The following FBN2 variants were observed in gnomAD, a reference collection of about 807,000 sequenced individuals.
The protein encoded by FBN2 is fibrillin 2, also known as fibrillin-2.
In FBN2, 105 loss-of-function variants were observed where a neutral mutation model predicts 355.6. The observed-to-expected ratio is 0.30, with a 90% confidence interval of 0.25 to 0.35. The LOEUF is 0.35. Among genes scored for constraint, FBN2 ranks in the 10% least tolerant of loss-of-function variants. The probability of loss-of-function intolerance (pLI) is 1.00; values close to 1 mark genes in which losing one functional copy is unlikely to be tolerated. For synonymous variants in FBN2, 1,350 were observed against 1,301.2 expected, an observed-to-expected ratio of 1.04 and a Z score of -0.81; for missense variants, 3,280 against 3,758.7, an observed-to-expected ratio of 0.87 and a Z score of 3.33.
intron 7 of FBN2, among the ~76,000 whole-genome samples, chr5:128,409,707 G>A (rs758863918): frequency 1.3e-5 from 2 of 151,988 alleles, no homozygotes; most frequent in Non-Finnish European, 2.9e-5. Flanking sequence ...GGTAGCAAAA[G>A]CCAGTAACTA....
In FBN2 at chr5:128,449,254, G is replaced by A. The variant is rs576019941; in HGVS notation, c.827-2648C>T. ...AAGAGGTAAATGGTACCATTGTAAAGTTATTACATTATAAGTGAAGTGGCA... is the reference window on the plus strand; with the variant it reads ...AAGAGGTAAATGGTACCATTGTAAAATTATTACATTATAAGTGAAGTGGCA... On this transcript the variant is annotated intron_variant, in intron 6 of 64. Coordinates refer to ENST00000262464, the MANE Select transcript of FBN2 (RefSeq NM_001999.4). Among the ~76,000 whole-genome samples, 5 of 149,342 alleles carry A rather than the reference G, an allele frequency of 3.3e-5. No individual in the cohort carries two copies. In the East Asian group the frequency reaches 9.9e-4, roughly 30 times the overall value.
At chr5:128,374,297 C>T (rs1260863912) in intron 15 of FBN2, among the ~76,000 whole-genome samples, 2 of 152,142 alleles carry the variant, frequency 1.3e-5, no homozygotes, top group East Asian at 3.9e-4. Context: ...TCATCCATCA[C>T]TACAGATGAT....
chr5:128,501,712 A>G (rs1411222168), intron 5 of FBN2, among the ~76,000 whole-genome samples: 2 of 152,136 alleles, frequency 1.3e-5, no homozygotes, highest in Non-Finnish European at 2.9e-5. Context: ...AGTGAAATAA[A>G]AGAGAAACTT....
intron 5 of FBN2, among the ~76,000 whole-genome samples, chr5:128,510,116 G>A (rs1290490278): frequency 5.3e-5 from 8 of 152,150 alleles, no homozygotes; most frequent in Non-Finnish European, 1.0e-4. Flanking sequence ...AGAACTTAGG[G>A]AGTCTGCTAG....
At chr5:128,330,783 A>G (rs1750672189) in intron 32 of FBN2, 88 bp from the exon 33 acceptor site, 1 of 1,427,910 alleles carries the variant, frequency 7.0e-7, no homozygotes. Context: ...TTACATATAA[A>G]CTGGATAAAT....
At chr5:128,336,166 C>T (rs1750835975) in intron 27 of FBN2, 53 bp from the exon 28 acceptor site, 3 of 1,589,430 alleles carry the variant, frequency 1.9e-6, no homozygotes, top group Non-Finnish European at 2.6e-6. Context: ...TCACTAAAGC[C>T]ATCAGAAAGG....
Position 128,330,713 on chromosome 5 carries a change from A to T in FBN2, c.4223-18T>A. On this transcript the variant is annotated intron_variant, in intron 32 of 64. Coordinates refer to ENST00000262464, the MANE Select transcript of FBN2 (RefSeq NM_001999.4). Reference sequence around the variant, plus strand: ...GTCCAGATCTGCAGAACACAGCAATAAAGTTCAGAAATGAAAATGGAACAT... The same window carrying T: ...GTCCAGATCTGCAGAACACAGCAATTAAGTTCAGAAATGAAAATGGAACAT... 1 of 1,613,660 alleles carries T rather than the reference A, an allele frequency of 6.2e-7. No homozygotes were observed. The highest frequency in any genetic ancestry group is 8.5e-7 in the Non-Finnish European group (1 of 1,179,594).
rs576911396 is a variant in FBN2, at chr5:128,387,568, C to A, written c.1603+4450G>T. ...AGGTGTGATGTTGTTAATTTGAGAC[C>A]TTTCTAACTTTTTGATGTGGGATTT... On this transcript the variant is annotated intron_variant, in intron 11 of 64. Transcript: ENST00000262464. Among the ~76,000 whole-genome samples the A allele has an allele frequency of 2.6e-5, 4 of 152,084 alleles. No homozygotes were observed. The South Asian group carries it at 8.3e-4, about 32-fold the overall frequency.
rs943225631 is a variant in FBN2, at chr5:128,287,383, T to C, written c.6805A>G (p.Met2269Val). The C allele has an allele frequency of 1.2e-6, 2 of 1,613,964 alleles. No individual in the cohort carries two copies. The highest frequency in any genetic ancestry group is 8.5e-7 in the Non-Finnish European group (1 of 1,179,964). ...CATTCATAGGACCCAAAAGTGTTCA[T>C]GCAGCGGAAAGCACACAGCAGTGGG... Reference protein sequence around the residue: ...QNPLLCAFRCMNTFGSYECTC... With the variant: ...QNPLLCAFRCVNTFGSYECTC... Residue 2269 changes from methionine (M) to valine (V), a missense_variant, in exon 54 of 65, where the codon ATG becomes GTG. This residue lies in a region of FBN2 where 2,284 missense variants were observed against 2,749.5 expected (regional missense o/e 0.83). Transcript: ENST00000262464.
intron 5 of FBN2, among the ~76,000 whole-genome samples, chr5:128,475,591 TG>T (rs1366609302): frequency 6.6e-6 from 1 of 152,010 alleles, no homozygotes; most frequent in Non-Finnish European, 1.5e-5. Context: ...TAAGTTTAAA[TG>T]AAAAATAACT....
chr5:128,471,964 A>G (rs941356164), intron 5 of FBN2, among the ~76,000 whole-genome samples: 1 of 152,250 alleles, frequency 6.6e-6, no homozygotes, highest in African/African-American at 2.4e-5. Flanking sequence ...TATTTCATAA[A>G]CTAGGTATGA....
At chr5:128,290,556 T>C (rs980666598) in intron 50 of FBN2, among the ~76,000 whole-genome samples, 176 bp downstream of exon 50, 1 of 152,224 alleles carries the variant, frequency 6.6e-6, no homozygotes, top group African/African-American at 2.4e-5. Context: ...AGACATGTCT[T>C]ATTCAAAAGC....
Position 128,259,787 on chromosome 5 carries a change from C to T in FBN2, c.8407G>A (p.Val2803Ile), listed in dbSNP as rs759451244. ...TGGGAGAGGTTGAACTTCATGTTGACGGGGCTGTCCATGTCGACACTCTCT... is the reference window on the plus strand; with the variant it reads ...TGGGAGAGGTTGAACTTCATGTTGATGGGGCTGTCCATGTCGACACTCTCT... ...SLESVDMDSP[V>I]NMKFNLSHLG... The change falls in exon 65 of 65, where the codon GTC becomes ATC. Residue 2803 changes from valine to isoleucine, a missense_variant. Around this residue, in one of 6 missense-constraint regions of FBN2, gnomAD observed 311 missense variants for 319.1 expected, o/e 0.97. Coordinates refer to ENST00000262464, the MANE Select transcript of FBN2 (RefSeq NM_001999.4). 4.2e-5 allele frequency: 68 copies of T among 1,613,436 alleles called. 1 individual carries two copies. In the South Asian group the frequency reaches 4.6e-4, roughly 11 times the overall value.
intron 5 of FBN2, among the ~76,000 whole-genome samples, chr5:128,488,820 G>A (rs990906946): frequency 6.6e-6 from 1 of 151,836 alleles, no homozygotes; most frequent in Non-Finnish European, 1.5e-5. Flanking sequence ...TCCCTACAAA[G>A]GACATGAACT....
intron 5 of FBN2, among the ~76,000 whole-genome samples, chr5:128,465,652 C>A (rs1414974485): frequency 6.6e-6 from 1 of 152,126 alleles, no homozygotes; most frequent in Non-Finnish European, 1.5e-5. Flanking sequence ...GTCATGAATT[C>A]CTTACACGTA....
chr5:128,366,339 C>T, intron 17 of FBN2, 38 bp downstream of exon 17: 2 of 1,114,234 alleles, frequency 1.8e-6, no homozygotes, highest in East Asian at 4.8e-5. Context: ...ACGATTATGT[C>T]ACGTGATTAT....
intron 7 of FBN2, among the ~76,000 whole-genome samples, chr5:128,444,255 G>C (rs1384069624): frequency 2.0e-5 from 3 of 151,100 alleles, no homozygotes; most frequent in African/African-American, 7.3e-5. Flanking sequence ...TGTATTTTTA[G>C]TAGAGACAGG....
chr5:128,335,405 A>T, intron 29 of FBN2, 50 bp downstream of exon 29: 5 of 1,613,070 alleles, frequency 3.1e-6, no homozygotes, highest in Non-Finnish European at 4.2e-6. Context: ...CCATATTTTC[A>T]AGAAAAAATT....
chr5:128,268,344 T>G (rs972633264), intron 62 of FBN2, among the ~76,000 whole-genome samples: 2 of 152,162 alleles, frequency 1.3e-5, no homozygotes, highest in African/African-American at 4.8e-5. Context: ...AATCCCTGAA[T>G]AGACCAATAA....
Sources: gnomAD v4.1 joint callset for allele counts (sites outside exome capture counted in the v4.1 genomes callset) on GRCh38, gnomAD v4.1.1 for gene constraint, gnomAD v4.1.1 regional missense constraint, MANE v1.5 for transcripts, NCBI Gene and HGNC (gene_info 2026-07-23, HGNC 2026-07-21) for gene names.